The following TDRD9 variants were observed in gnomAD, a reference collection of about 807,000 sequenced individuals.
TDRD9 encodes the protein ATP-dependent RNA helicase TDRD9.
A neutral mutation model predicts 172.6 loss-of-function variants in TDRD9; 124 were observed. The observed-to-expected ratio is 0.72, with a 90% CI of 0.62 to 0.83. The LOEUF (loss-of-function observed/expected upper bound fraction) is 0.83. Ranked by LOEUF, TDRD9 falls within the 40% of genes least tolerant of loss-of-function variation. TDRD9 has a pLI of 0.00. For synonymous variants in TDRD9, 619 were observed against 617.1 expected, an observed-to-expected ratio of 1.00 and a Z score of -0.05; for missense variants, 1,479 against 1,714.1, an observed-to-expected ratio of 0.86 and a Z score of 2.42.
intron 32 of TDRD9, among the ~76,000 whole-genome samples, chr14:104,039,385 G>A (rs180943935): frequency 6.6e-6 from 1 of 152,314 alleles, no homozygotes; most frequent in East Asian, 1.9e-4. Flanking sequence ...GCCACACAGC[G>A]TGAGTTTTAC....
At position 104,040,290 on chromosome 14, in the gene TDRD9, G is replaced by C; in HGVS notation, c.3811G>C (p.Glu1271Gln). Residue 1271 changes from glutamate (E) to glutamine (Q), a missense_variant, in exon 33 of 36, where the codon GAG becomes CAG. By Grantham distance (29) the Glu-to-Gln change is conservative. Coordinates refer to ENST00000409874, the MANE Select transcript of TDRD9 (RefSeq NM_153046.3). ...GASILPEHDM[E>Q]LAFDVQFSVE... ...TTCCATACTGCCCGAGCACGACATGGAGCTTGCGTTTGACGTTCAATTCAG... is the reference window on the plus strand; with the variant it reads ...TTCCATACTGCCCGAGCACGACATGCAGCTTGCGTTTGACGTTCAATTCAG... The C allele has an allele frequency of 6.4e-7, 1 of 1,551,712 alleles. No individual in the cohort carries two copies. Among genetic ancestry groups the C allele is most frequent in the East Asian group, 2.4e-5 (1 of 40,908 alleles).
At chr14:103,969,445 T>G (rs1455109790) in intron 5 of TDRD9, among the ~76,000 whole-genome samples, 1 of 152,194 alleles carries the variant, frequency 6.6e-6, no homozygotes, top group Admixed American at 6.5e-5. Flanking sequence ...AGAGGATGTT[T>G]GTGCTGAGGA....
At chr14:103,968,794 T>TAAAAAAAAAA (rs1475595274) in intron 5 of TDRD9, among the ~76,000 whole-genome samples, 2 of 2,174 alleles carry the variant, frequency 9.2e-4, no homozygotes, top group African/African-American at 8.8e-4. Flanking sequence ...AGACTCTGTC[T>TAAAAAAAAAA]CAAAAAAAAA....
At chr14:104,001,234 C>T (rs1290886048) in intron 13 of TDRD9, among the ~76,000 whole-genome samples, 3 of 152,234 alleles carry the variant, frequency 2.0e-5, no homozygotes, top group East Asian at 3.8e-4. Flanking sequence ...CATACCTGCC[C>T]CTAACACTCT....
chr14:104,038,000 C>T (rs2152260924), intron 32 of TDRD9, among the ~76,000 whole-genome samples: 1 of 152,300 alleles, frequency 6.6e-6, no homozygotes, highest in Middle Eastern at 3.4e-3. Context: ...CTGGCACCTC[C>T]AGGATGGGAG....
intron 6 of TDRD9, among the ~76,000 whole-genome samples, chr14:103,974,159 A>G (rs2033145196): frequency 6.6e-6 from 1 of 152,176 alleles, no homozygotes. Context: ...CTGACATCAC[A>G]CCACTGCACT....
chr14:104,027,361 ATCT>A (rs1294914617), intron 28 of TDRD9, among the ~76,000 whole-genome samples: 1 of 152,038 alleles, frequency 6.6e-6, no homozygotes, highest in Non-Finnish European at 1.5e-5. Context: ...TCAGCTTTTT[ATCT>A]TCTTAGGATA....
chr14:103,975,332 T>TA (rs973485952), intron 6 of TDRD9, 57 bp from the exon 7 acceptor site: 2 of 1,531,872 alleles, frequency 1.3e-6, no homozygotes, highest in African/African-American at 2.7e-5. Flanking sequence ...GTTTTAGAAG[T>TA]ATTTAATTTG....
intron 32 of TDRD9, among the ~76,000 whole-genome samples, chr14:104,039,495 ATTGTAT>A (rs2035548762): frequency 6.6e-6 from 1 of 152,164 alleles, no homozygotes; most frequent in Non-Finnish European, 1.5e-5. Flanking sequence ...AGGGAGTAAC[ATTGTAT>A]TTGTTTTGAA....
chr14:103,952,729 CTTTTTTTTTTT>C (rs68192057), intron 1 of TDRD9, among the ~76,000 whole-genome samples: 17 of 72,316 alleles, frequency 2.4e-4, no homozygotes, highest in Middle Eastern at 0.014. Flanking sequence ...AATTCTCTCT[CTTTTTTTTTTT>C]TTTTTTTTTT....
chr14:103,984,632 C>T (rs568190062), intron 7 of TDRD9, among the ~76,000 whole-genome samples: 10 of 152,232 alleles, frequency 6.6e-5, no homozygotes, highest in South Asian at 4.1e-4. Context: ...GCTGCAGGGG[C>T]GGAGCTCTCA....
chr14:103,951,927 A>G (rs113315826), intron 1 of TDRD9, among the ~76,000 whole-genome samples: 1 of 149,574 alleles, frequency 6.7e-6, no homozygotes, highest in African/African-American at 2.5e-5. Context: ...CCACCATGCC[A>G]GGCTAATTTT....
chr14:104,007,621 G>A lies in TDRD9; in HGVS notation c.2052+417G>A, dbSNP rs145337295. 4.0e-3 allele frequency among the ~76,000 whole-genome samples: 591 copies of A among 147,918 alleles called. 3 individuals carry two copies. Among genetic ancestry groups the A allele is most frequent in the African/African-American group, 0.014 (554 of 39,856 alleles). ...AACGGGCTTAAAAGAAATGTAATCT[G>A]TTACCCTCCATTTTATTGTTTTTTT... On this transcript the variant is annotated intron_variant, in intron 19 of 35. Transcript: ENST00000409874.
chr14:104,000,065 C>G (rs902157567), intron 13 of TDRD9, among the ~76,000 whole-genome samples: 1 of 152,100 alleles, frequency 6.6e-6, no homozygotes, highest in South Asian at 2.1e-4. Context: ...CGGTGACTTA[C>G]ACCTGTAATC....
intron 7 of TDRD9, among the ~76,000 whole-genome samples, chr14:103,983,056 C>CTTTTTT (rs397853010): frequency 1.0e-4 from 9 of 87,616 alleles, no homozygotes; most frequent in African/African-American, 1.4e-4. Flanking sequence ...CTGTGGGTCA[C>CTTTTTT]TTTTTTTTTT....
intron 12 of TDRD9, among the ~76,000 whole-genome samples, chr14:103,998,027 G>A (rs55938939): frequency 0.33 from 50,116 of 151,832 alleles, 8,464 homozygotes; most frequent in Middle Eastern, 0.37. Flanking sequence ...GTTGCTGATG[G>A]GAGATCCCCA....
chr14:103,987,143 C>T (rs1258789041), intron 8 of TDRD9, among the ~76,000 whole-genome samples: 1 of 151,818 alleles, frequency 6.6e-6, no homozygotes, highest in Non-Finnish European at 1.5e-5. Flanking sequence ...CACACACACA[C>T]ACACACACAC....
chr14:103,968,653 G>A (rs901856468), intron 5 of TDRD9, among the ~76,000 whole-genome samples: 3 of 150,106 alleles, frequency 2.0e-5, no homozygotes, highest in South Asian at 4.3e-4. Context: ...AAAATTAGCC[G>A]GGCGTGGTGG....
intron 34 of TDRD9, among the ~76,000 whole-genome samples, chr14:104,043,345 G>T (rs971347859): frequency 6.6e-6 from 1 of 151,680 alleles, no homozygotes; most frequent in Non-Finnish European, 1.5e-5. Flanking sequence ...GGGTTCAAGC[G>T]ATTCTCCTGC....
Sources: gnomAD v4.1 joint callset for allele counts (sites outside exome capture counted in the v4.1 genomes callset) on GRCh38, gnomAD v4.1.1 for gene constraint, MANE v1.5 for transcripts, NCBI Gene and HGNC (gene_info 2026-07-23, HGNC 2026-07-21) for gene names.